Variants in TTN observed in about 807,000 individuals in gnomAD.
TTN encodes the protein titin.
Under a neutral mutation model 3,223.0 loss-of-function variants are expected in TTN, and 1,525 were observed. The observed-to-expected ratio is 0.47, with a 90% CI of 0.45 to 0.49. The LOEUF (loss-of-function observed/expected upper bound fraction) is 0.49, where lower values mean the gene tolerates loss of function less well. Among genes scored for constraint, TTN ranks in the 20% least tolerant of loss-of-function variants. The pLI is 0.00. For missense variants in TTN, 40,786 were observed against 43,424.0 expected, an observed-to-expected ratio of 0.94 and a Z score of 5.40; for synonymous variants, 14,094 against 15,161.0, an observed-to-expected ratio of 0.93 and a Z score of 5.17.
rs756066854 is a variant in TTN at position 178,786,104 on chromosome 2, A to G, written c.2114T>C (p.Val705Ala). Residue 705 changes from valine to alanine, a missense_variant, in exon 14 of 363, where the codon GTT (valine) becomes GCT (alanine). Val to Ala is a moderately conservative substitution (Grantham distance 64). Coordinates refer to ENST00000589042, the MANE Select transcript of TTN (RefSeq NM_001267550.2). ...VGKKAEAVATVVAAVDQARVR... is the reference protein window; with the variant it reads ...VGKKAEAVATAVAAVDQARVR... ...TCGGGCCTGGTCTACTGCAGCAACAACTGTTGCTACAGCTTCAGCCTTTTT... is the reference window on the plus strand; with the variant it reads ...TCGGGCCTGGTCTACTGCAGCAACAGCTGTTGCTACAGCTTCAGCCTTTTT... 2.1e-5 allele frequency: 34 copies of G among 1,613,800 alleles called. No individual in the cohort carries two copies. Among genetic ancestry groups the G allele is most frequent in the Non-Finnish European group, 2.7e-5 (32 of 1,179,982 alleles).
Position 178,612,916 on chromosome 2 carries a change from G to A in TTN, c.49805C>T (p.Ala16602Val), listed in dbSNP as rs748344757. 7 of 1,612,526 alleles carry A rather than the reference G, an allele frequency of 4.3e-6. No individual in the cohort carries two copies. The Admixed American group carries it at 8.3e-5, about 19-fold the overall frequency. The change falls in exon 265 of 363, where the codon GCG becomes GTG. Residue 16602 changes from alanine (A) to valine (V), a missense_variant. By Grantham distance (64) the Ala-to-Val change is moderately conservative. Coordinates refer to ENST00000589042, the MANE Select transcript of TTN (RefSeq NM_001267550.2). ...GTGCTGAGTGGTGGGAACCCCTTCC[G>A]CCACTCTGACCCACTCATCTGTTCC... ...KTGTDEWVRVAEGVPTTQHLL... is the reference protein window; with the variant it reads ...KTGTDEWVRVVEGVPTTQHLL...
Position 178,695,905 on chromosome 2 carries a change from T to C in TTN, c.31167A>G (p.Gln10389=). The C allele has an allele frequency of 6.8e-7, 1 of 1,465,742 alleles. No homozygotes were observed. Among genetic ancestry groups the C allele is most frequent in the Non-Finnish European group, 9.0e-7 (1 of 1,110,288 alleles). The allele number at this position is 1,465,742 out of a possible 1,614,324, so 90.8% of individuals were successfully genotyped here. The change falls in exon 114 of 363, where the codon CAA becomes CAG. Residue 10389 remains glutamine, a synonymous_variant. Transcript: ENST00000589042. ...TTTGAACTTGAATTACTTCCCTTTC[T>C]TGGTAAGCCTCTTCCCACTCTTCCT... is the stretch of plus-strand genomic sequence containing the variant. ...EGEEEWEEAY[Q]EREVIQVQKE...
In TTN at chr2:178,629,426, GA is replaced by G. The variant is rs2059500645; in HGVS notation, c.44298del (p.Leu14767Ter). ...ACGGTGACATCCTTTAAAGGCCTCA[GA>G]AGACCAATTACTCGTGCTTTTCGAG... Reference protein sequence around the residue: ...HLRVKPRVIGLLRPLKDVTVT... With the variant: ...HLRVKPRVIGXLRPLKDVTVT... On this transcript the variant is annotated frameshift_variant, in exon 240 of 363. Transcript: ENST00000589042. LOFTEE classifies it high-confidence loss of function. 6.2e-7 allele frequency: 1 copy of G among 1,612,816 alleles called. No individual in the cohort carries two copies. The highest frequency in any genetic ancestry group is 1.7e-5 in the Admixed American group (1 of 59,962).
Position 178,710,679 on chromosome 2 carries a change from T to C in TTN, c.28418A>G (p.Asn9473Ser), listed in dbSNP as rs2076526398. ...DSGQYTCYAV[N>S]EVGKDSCTAQ... ...TGTGCAAGAGTCTTTTCCCACTTCA[T>C]TCACAGCATAGCAGGTATATTGTCC... is the stretch of plus-strand genomic sequence containing the variant. Residue 9473 changes from asparagine (N) to serine (S), a missense_variant, in exon 98 of 363, where the codon AAT becomes AGT. Asn to Ser is a conservative substitution (Grantham distance 46, BLOSUM62 1). Coordinates refer to ENST00000589042, the MANE Select transcript of TTN (RefSeq NM_001267550.2). 6.2e-7 allele frequency: 1 copy of C among 1,613,220 alleles called. No individual in the cohort carries two copies. The highest frequency in any genetic ancestry group is 1.1e-5 in the South Asian group (1 of 91,046).
rs774275945 is a variant in TTN at position 178,775,548 on chromosome 2, C to G, written c.6316G>C (p.Asp2106His). ...HFRVRVVGKPDPECEWYKNGV... is the reference protein window; with the variant it reads ...HFRVRVVGKPHPECEWYKNGV... ...TTTTTGTACCATTCACATTCGGGGT[C>G]TGGTTTCCCCACGACTCTGACCCGG... The change falls in exon 28 of 363, where the codon GAC (aspartate) becomes CAC (histidine). Residue 2106 changes from aspartate to histidine, a missense_variant. Physicochemically the swap from Asp to His is moderately conservative, Grantham distance 81 (BLOSUM62 -1). Coordinates refer to ENST00000589042, the MANE Select transcript of TTN (RefSeq NM_001267550.2). 4.3e-6 allele frequency: 7 copies of G among 1,613,872 alleles called. No homozygotes were observed. In the East Asian group the frequency reaches 1.3e-4, roughly 31 times the overall value.
In TTN at chr2:178,590,229, C is replaced by T. The variant is rs201286988; in HGVS notation, c.61496G>A (p.Arg20499Gln). 45 of 1,594,908 alleles carry T rather than the reference C, an allele frequency of 2.8e-5. No individual in the cohort carries two copies. The highest frequency in any genetic ancestry group is 3.6e-5 in the Non-Finnish European group (42 of 1,170,596). The change falls in exon 304 of 363, where the codon CGA becomes CAA. Residue 20499 changes from arginine to glutamine, a missense_variant. Transcript: ENST00000589042. ...RVGQTIRILA[R>Q]VKGRPEPDIT... ...GTCTGGTTCAGGTCTGCCTTTGACT[C>T]GAGCTAGAATGCGGATAGTTTGGCC...
Position 178,571,495 on chromosome 2 carries a change from A to G in TTN, c.74637T>C (p.Tyr24879=). ...KACRLKTGCE[Y]QFRIAAENRY... Reference sequence around the variant, plus strand: ...TGTTTTCAGCTGCAATTCTAAACTGATATTCACATCCAGTCTTCAGTCTGC... The same window carrying G: ...TGTTTTCAGCTGCAATTCTAAACTGGTATTCACATCCAGTCTTCAGTCTGC... Residue 24879 remains tyrosine, a synonymous_variant, in exon 326 of 363, where the codon TAT becomes TAC. Coordinates refer to ENST00000589042, the MANE Select transcript of TTN (RefSeq NM_001267550.2). The G allele has an allele frequency of 6.2e-7, 1 of 1,613,294 alleles. No individual in the cohort carries two copies. The highest frequency in any genetic ancestry group is 8.5e-7 in the Non-Finnish European group (1 of 1,179,568).
Position 178,795,336 on chromosome 2 carries a change from G to A in TTN, c.915-84C>T. On this transcript the variant is annotated intron_variant, in intron 6 of 362. Coordinates refer to ENST00000589042, the MANE Select transcript of TTN (RefSeq NM_001267550.2). ...AATCATGAGATGAAAAGCTGGAAGTGCTTTAAGGCAGAGTTTTAAAATGTG... is the reference window on the plus strand; with the variant it reads ...AATCATGAGATGAAAAGCTGGAAGTACTTTAAGGCAGAGTTTTAAAATGTG... 2.3e-6 allele frequency: 3 copies of A among 1,313,756 alleles called. No homozygotes were observed. In the South Asian group the frequency reaches 3.6e-5, roughly 16 times the overall value. The allele number at this position is 1,313,756 out of a possible 1,614,324, so 81.4% of individuals were successfully genotyped here. A position where few individuals can be genotyped will look rare whatever the true frequency, so the allele number is the denominator to read the frequency against.
Position 178,549,689 on chromosome 2 carries a change from C to T in TTN, c.92033G>A (p.Ser30678Asn). The change falls in exon 338 of 363, where the codon AGT (serine) becomes AAT (asparagine). Residue 30678 changes from serine to asparagine, a missense_variant. By Grantham distance (46) the Ser-to-Asn change is conservative. Coordinates refer to ENST00000589042, the MANE Select transcript of TTN (RefSeq NM_001267550.2). The part of the protein sequence containing the change: ...ALIEDKCEAQ[S>N]YTAIKLINGN... The stretch of plus-strand genomic sequence containing the variant: ...GTTTATTAGTTTAATGGCAGTGTAA[C>T]TTTGGGCTTCACATTTATCCTCAAT... The T allele has an allele frequency of 6.2e-7, 1 of 1,613,782 alleles. No individual in the cohort carries two copies.
At position 178,609,745 on chromosome 2, in the gene TTN, G is replaced by A. The variant is rs372635204; in HGVS notation, c.51678C>T (p.Asn17226=). 371 of 1,612,232 alleles carry A rather than the reference G, an allele frequency of 2.3e-4. 1 individual carries two copies. Among genetic ancestry groups the A allele is most frequent in the Middle Eastern group, 3.3e-4 (2 of 6,068 alleles). The change falls in exon 272 of 363, where the codon AAC becomes AAT. Residue 17226 remains asparagine (N), a synonymous_variant. Coordinates refer to ENST00000589042, the MANE Select transcript of TTN (RefSeq NM_001267550.2). ...GAGAAGGTTCACTAATACCCGCGGC[G>A]TTCTCTGCTCGCACACGGAATTGGT... The part of the protein sequence containing the change: ...KEYQFRVRAE[N]AAGISEPSRA...
chr2:178,572,723 A>G lies in TTN; in HGVS notation c.73409T>C (p.Leu24470Ser), dbSNP rs1161493702. The change falls in exon 326 of 363, where the codon TTA becomes TCA. Residue 24470 changes from leucine to serine, a missense_variant. By Grantham distance (145) the Leu-to-Ser change is moderately radical (BLOSUM62 -2). Coordinates refer to ENST00000589042, the MANE Select transcript of TTN (RefSeq NM_001267550.2). ...TGTGGATTCGATGCTAGCTTTATCTAAAGATTCTCCATGGTCCCGGGCCCA... is the reference window on the plus strand; with the variant it reads ...TGTGGATTCGATGCTAGCTTTATCTGAAGATTCTCCATGGTCCCGGGCCCA... ...VKWARDHGESLDKASIESTSS... is the reference protein window; with the variant it reads ...VKWARDHGESSDKASIESTSS... The G allele has an allele frequency of 6.2e-7, 1 of 1,613,480 alleles. No individual in the cohort carries two copies. Among genetic ancestry groups the G allele is most frequent in the African/African-American group, 1.3e-5 (1 of 74,990 alleles).
rs372012299 is a variant in TTN at position 178,614,260 on chromosome 2, A to C, written c.49137T>G (p.Gly16379=). The C allele has an allele frequency of 1.2e-6, 2 of 1,612,556 alleles. No individual in the cohort carries two copies. The highest frequency in any genetic ancestry group is 2.7e-5 in the African/African-American group (2 of 74,818). ...CAACATAGTTTGTGATCTTAGATCC[A>C]CCATCATCGCGTGGTGGGTTCCATG... ...LLTWNPPRDD[G]GSKITNYVVE... Residue 16379 remains glycine (G), a synonymous_variant, in exon 262 of 363, where the codon GGT becomes GGG. Transcript: ENST00000589042.
chr2:178,558,002 T>C lies in TTN; in HGVS notation c.87352A>G (p.Thr29118Ala). 10 of 1,613,790 alleles carry C rather than the reference T, an allele frequency of 6.2e-6. No homozygotes were observed. The highest frequency in any genetic ancestry group is 8.5e-6 in the Non-Finnish European group (10 of 1,179,842). The change falls in exon 328 of 363, where the codon ACT (threonine) becomes GCT (alanine). Residue 29118 changes from threonine (T) to alanine (A), a missense_variant. Transcript: ENST00000589042. ...VTADAGRYEI[T>A]AANSSGTTKA... ...GTTGTACCACTGGAGTTGGCAGCAG[T>C]GATTTCATATCTCCCAGCGTCAGCT...
At chr2:178,592,323 A>G in intron 301 of TTN, 46 bp from the exon 302 acceptor site, 1 of 1,599,834 alleles carries the variant, frequency 6.3e-7, no homozygotes, top group South Asian at 1.1e-5. Flanking sequence ...TTATCCATAT[A>G]AGAGCTCAAA....
At chr2:178,689,724 A>T (rs2071836964) in intron 122 of TTN, 89 bp downstream of exon 122, 1 of 1,454,760 alleles carries the variant, frequency 6.9e-7, no homozygotes, top group East Asian at 2.3e-5. Flanking sequence ...TTCATTTAGA[A>T]TTAAACTAAC....
At position 178,677,298 on chromosome 2, in the gene TTN, T is replaced by C; in HGVS notation, c.34292-11A>G. 2 of 1,168,728 alleles carry C rather than the reference T, an allele frequency of 1.7e-6. No homozygotes were observed. The highest frequency in any genetic ancestry group is 8.3e-5 in the East Asian group (2 of 24,100). The allele number at this position is 1,168,728 out of a possible 1,614,324, so 72.4% of individuals were successfully genotyped here. ...TTGGCACTTCAGGCACTTAAAAACATTTCATTTGAAGGCATTAAAAACCAC... is the reference window on the plus strand; with the variant it reads ...TTGGCACTTCAGGCACTTAAAAACACTTCATTTGAAGGCATTAAAAACCAC... On this transcript the variant is annotated splice_polypyrimidine_tract_variant and intron_variant, in intron 146 of 362. Transcript: ENST00000589042.
In TTN at chr2:178,632,635, C is replaced by T. The variant is rs756061256; in HGVS notation, c.43371G>A (p.Lys14457=). The T allele has an allele frequency of 3.2e-5, 52 of 1,613,358 alleles. No homozygotes were observed. In the South Asian group the frequency reaches 5.4e-4, roughly 17 times the overall value. ...TCACCATTGAATGCTTAGTGCCATCCTTTATAAGCTCAAATCTGTCATCAC... is the reference window on the plus strand; with the variant it reads ...TCACCATTGAATGCTTAGTGCCATCTTTTATAAGCTCAAATCTGTCATCAC... The part of the protein sequence containing the change: ...ITGDDRFELI[K]DGTKHSMVIK... Residue 14457 remains lysine (K), a synonymous_variant, in exon 235 of 363, where the codon AAG becomes AAA. Coordinates refer to ENST00000589042, the MANE Select transcript of TTN (RefSeq NM_001267550.2).
rs1375859616 is a variant in TTN, at chr2:178,582,219, T to C, written c.66161-11A>G. On this transcript the variant is annotated splice_polypyrimidine_tract_variant and intron_variant, in intron 314 of 362. Coordinates refer to ENST00000589042, the MANE Select transcript of TTN (RefSeq NM_001267550.2). ...AGCGTCCTGGTGGGTCTGCAGAAAT[T>C]GATTGAAAAGTTAATTTCCCAGGCT... 6.3e-7 allele frequency: 1 copy of C among 1,585,690 alleles called. No homozygotes were observed. The highest frequency in any genetic ancestry group is 2.2e-5 in the East Asian group (1 of 44,534).
Position 178,721,201 on chromosome 2 carries a change from T to G in TTN, c.22818A>C (p.Glu7606Asp). The change falls in exon 79 of 363, where the codon GAA (glutamate) becomes GAC (aspartate). Residue 7606 changes from glutamate (E) to aspartate (D), a missense_variant and splice_region_variant. By Grantham distance (45) the Glu-to-Asp change is conservative. Coordinates refer to ENST00000589042, the MANE Select transcript of TTN (RefSeq NM_001267550.2). ...CTAATTTCTTAACAAACTTTGGAGG[T>G]TCTAGTAAACCAAACAAAACAGTCA... ...DMCSAQLSVKEPPKFVKKLEA... is the reference protein window; with the variant it reads ...DMCSAQLSVKDPPKFVKKLEA... The G allele has an allele frequency of 6.3e-7, 1 of 1,588,484 alleles. No individual in the cohort carries two copies. Among genetic ancestry groups the G allele is most frequent in the Non-Finnish European group, 8.6e-7 (1 of 1,164,738 alleles).
Sources: gnomAD v4.1 joint callset for allele counts on GRCh38, gnomAD v4.1.1 for gene constraint, MANE v1.5 for transcripts, NCBI Gene and HGNC (gene_info 2026-07-23, HGNC 2026-07-21) for gene names.